Variants in DCPH1 observed in about 807,000 individuals in gnomAD.
The protein encoded by DCPH1 is damage control phosphatase 1.
the DCPH1 span, among the ~76,000 whole-genome samples, chr6:151,463,325 C>G: frequency 6.6e-6 from 1 of 152,214 alleles, no homozygotes; most frequent in East Asian, 1.9e-4. Flanking sequence ...AATTAGTCTT[C>G]CTGTATTTTT....
the DCPH1 span, among the ~76,000 whole-genome samples, chr6:151,467,166 AG>A: frequency 6.6e-6 from 1 of 151,626 alleles, no homozygotes; most frequent in African/African-American, 2.4e-5. Context: ...GCAGGAGAAA[AG>A]CTTGAACCCG....
the DCPH1 span, among the ~76,000 whole-genome samples, chr6:151,453,251 A>G: frequency 3.6e-4 from 55 of 152,304 alleles, no homozygotes; most frequent in African/African-American, 1.2e-3. Context: ...ATCTCCTTCA[A>G]TTTTGCGCCC....
chr6:151,452,500 G>C, the DCPH1 span: 5 of 1,606,630 alleles, frequency 3.1e-6, no homozygotes, highest in Non-Finnish European at 4.2e-6. Context: ...CTCTGTTTCT[G>C]CGGCGATTGA....
the DCPH1 span, chr6:151,468,967 G>A: frequency 1.5e-5 from 24 of 1,614,060 alleles, no homozygotes; most frequent in Non-Finnish European, 2.0e-5. Context: ...CTTCCATCCT[G>A]CACCACTCTG....
the DCPH1 span, chr6:151,468,924 G>A: frequency 6.2e-7 from 1 of 1,613,990 alleles, no homozygotes; most frequent in Non-Finnish European, 8.5e-7. Context: ...GAAAATGGGA[G>A]TTTTCTGTTC....
chr6:151,467,707 A>G, the DCPH1 span, among the ~76,000 whole-genome samples: 1 of 152,226 alleles, frequency 6.6e-6, no homozygotes, highest in Non-Finnish European at 1.5e-5. Context: ...GCTTAAAAAA[A>G]AATAGGCCTA....
At chr6:151,467,320 C>T in the DCPH1 span, among the ~76,000 whole-genome samples, 1 of 151,250 alleles carries the variant, frequency 6.6e-6, no homozygotes, top group African/African-American at 2.4e-5. Flanking sequence ...AAATGAGGGC[C>T]TGACAAGGTG....
the DCPH1 span, chr6:151,458,432 T>TA: frequency 6.2e-7 from 1 of 1,613,770 alleles, no homozygotes; most frequent in Admixed American, 1.7e-5. Flanking sequence ...AATTTGTTGA[T>TA]ACTGATATAT....
At chr6:151,463,489 C>CCATAGGTT in the DCPH1 span, among the ~76,000 whole-genome samples, 19 of 152,068 alleles carry the variant, frequency 1.2e-4, no homozygotes, top group African/African-American at 4.3e-4. Context: ...TAATGATGTG[C>CCATAGGTT]CATAGGTTCT....
chr6:151,468,440 C>T, the DCPH1 span: 1 of 1,611,960 alleles, frequency 6.2e-7, no homozygotes, highest in Non-Finnish European at 8.5e-7. Context: ...GACCTAAAAC[C>T]TTTCATTTTA....
the DCPH1 span, among the ~76,000 whole-genome samples, chr6:151,455,433 A>G: frequency 6.6e-5 from 10 of 152,218 alleles, no homozygotes; most frequent in Non-Finnish European, 1.0e-4. Context: ...CAGGGTCACA[A>G]GACAATTGTG....
At chr6:151,452,698 C>T in the DCPH1 span, 3 of 1,145,006 alleles carry the variant, frequency 2.6e-6, no homozygotes, top group African/African-American at 4.9e-5. Context: ...TCGAGTCCCG[C>T]CGCCGGGCGC....
chr6:151,467,703 A>G, the DCPH1 span, among the ~76,000 whole-genome samples: 1 of 152,222 alleles, frequency 6.6e-6, no homozygotes, highest in Non-Finnish European at 1.5e-5. Context: ...TATGGCTTAA[A>G]AAAAAATAGG....
chr6:151,459,300 A>C, the DCPH1 span, among the ~76,000 whole-genome samples: 12 of 152,376 alleles, frequency 7.9e-5, no homozygotes, highest in Non-Finnish European at 2.9e-5. Context: ...ATTGAAATAG[A>C]TAATAAACGT....
the DCPH1 span, among the ~76,000 whole-genome samples, chr6:151,455,714 G>A: frequency 5.3e-5 from 8 of 152,260 alleles, no homozygotes; most frequent in East Asian, 9.7e-4. Flanking sequence ...AACTGCAAGA[G>A]GCATGCCTTC....
chr6:151,453,939 A>G, the DCPH1 span, among the ~76,000 whole-genome samples: 131 of 152,264 alleles, frequency 8.6e-4, 1 homozygote, highest in African/African-American at 3.0e-3. Flanking sequence ...GTGGGAAGAG[A>G]CAGTAGCACG....
the DCPH1 span, among the ~76,000 whole-genome samples, chr6:151,460,799 AAAC>A: frequency 6.6e-6 from 1 of 152,002 alleles, no homozygotes; most frequent in African/African-American, 2.4e-5. Flanking sequence ...AAAAACAAAA[AAAC>A]AACAAAAAAA....
chr6:151,457,954 T>G, the DCPH1 span, among the ~76,000 whole-genome samples: 1 of 152,166 alleles, frequency 6.6e-6, no homozygotes, highest in Non-Finnish European at 1.5e-5. Context: ...TAAAAAAAAT[T>G]TGAGCTACCA....
At chr6:151,454,048 TTAGAAAA>T in the DCPH1 span, among the ~76,000 whole-genome samples, 10 of 152,160 alleles carry the variant, frequency 6.6e-5, no homozygotes, top group African/African-American at 2.4e-4. Context: ...TAAAATTGAC[TTAGAAAA>T]TAGACAGAAT....
Sources: allele counts gnomAD v4.1 joint callset (sites outside exome capture counted in the v4.1 genomes callset), GRCh38; gene constraint gnomAD v4.1.1; transcripts MANE v1.5; gene names NCBI Gene and HGNC (gene_info 2026-07-23, HGNC 2026-07-21).